PITPNC1: variants seen among roughly 807,000 people sequenced by gnomAD.
The protein encoded by PITPNC1 is cytoplasmic phosphatidylinositol transfer protein 1.
PITPNC1 carries 18 observed loss-of-function variants against 44.7 expected under a neutral mutation model. The observed-to-expected ratio is 0.40, with a 90% CI of 0.28 to 0.60. PITPNC1 has a LOEUF of 0.60. PITPNC1 is among the 20% of genes least tolerant of loss of function. The pLI, the probability that PITPNC1 is intolerant of heterozygous loss-of-function variation, is 0.39. For missense variants in PITPNC1, 290 were observed against 418.4 expected, an observed-to-expected ratio of 0.69 and a Z score of 2.68; for synonymous variants, 141 against 149.6, an observed-to-expected ratio of 0.94 and a Z score of 0.42.
chr17:67,410,608 A>G (rs1306119179), intron 1 of PITPNC1, among the ~76,000 whole-genome samples: 1 of 149,308 alleles, frequency 6.7e-6, no homozygotes, highest in Non-Finnish European at 1.5e-5. Context: ...CTGGTCTTGA[A>G]CTCCTGGGCT....
intron 1 of PITPNC1, among the ~76,000 whole-genome samples, chr17:67,472,959 T>C (rs1372491542): frequency 6.6e-6 from 1 of 151,670 alleles, no homozygotes; most frequent in Non-Finnish European, 1.5e-5. Flanking sequence ...CACTGCAAGC[T>C]CTGCCTCTCA....
chr17:67,533,002 C>T, intron 2 of PITPNC1, 52 bp downstream of exon 2: 1 of 1,475,262 alleles, frequency 6.8e-7, no homozygotes, highest in Non-Finnish European at 9.3e-7. Flanking sequence ...CACCTGACCC[C>T]ATGGTGTGAC....
intron 6 of PITPNC1, among the ~76,000 whole-genome samples, chr17:67,665,402 G>A (rs950336576): frequency 5.9e-5 from 9 of 152,072 alleles, no homozygotes; most frequent in African/African-American, 1.4e-4. Flanking sequence ...CCATGTACAT[G>A]TTTTTGTGTG....
chr17:67,441,826 A>T (rs1026903066), intron 1 of PITPNC1, among the ~76,000 whole-genome samples: 1 of 152,116 alleles, frequency 6.6e-6, no homozygotes, highest in Non-Finnish European at 1.5e-5. Flanking sequence ...TGAAGTAGGA[A>T]CTGCACACGC....
At chr17:67,621,201 A>ATTTTATTTTAT (rs2041825168) in intron 5 of PITPNC1, among the ~76,000 whole-genome samples, 1 of 148,728 alleles carries the variant, frequency 6.7e-6, no homozygotes, top group Admixed American at 6.8e-5. Flanking sequence ...ATTTTATTTT[A>ATTTTATTTTAT]TTTTATTTTA....
chr17:67,626,403 C>G (rs1384092432), intron 5 of PITPNC1, among the ~76,000 whole-genome samples: 8 of 152,244 alleles, frequency 5.3e-5, no homozygotes, highest in African/African-American at 1.7e-4. Context: ...CAAAGTCTTG[C>G]CCTGTCGCAC....
intron 1 of PITPNC1, among the ~76,000 whole-genome samples, chr17:67,468,695 G>T (rs1006694200): frequency 1.3e-5 from 2 of 148,602 alleles, no homozygotes; most frequent in African/African-American, 5.0e-5. Context: ...GAACCACCGT[G>T]CCTGGCCGCT....
Position 67,552,314 on chromosome 17 carries a change from G to T in PITPNC1, c.255G>T (p.Lys85Asn). 6.2e-7 allele frequency: 1 copy of T among 1,600,128 alleles called. No individual in the cohort carries two copies. Among genetic ancestry groups the T allele is most frequent in the Non-Finnish European group, 8.6e-7 (1 of 1,167,338 alleles). ...VVPKIFYVTEKAWNYYPYTIT... is the reference protein window; with the variant it reads ...VVPKIFYVTENAWNYYPYTIT... Reference sequence around the variant, plus strand: ...CCAAAATATTTTATGTGACAGAGAAGGCTTGGAACTATTATCCCTACACAA... The same window carrying T: ...CCAAAATATTTTATGTGACAGAGAATGCTTGGAACTATTATCCCTACACAA... Residue 85 changes from lysine (K) to asparagine (N), a missense_variant, in exon 3 of 9, where the codon AAG (lysine) becomes AAT (asparagine). Lys to Asn is a moderately conservative substitution (Grantham distance 94). Coordinates refer to ENST00000581322, the MANE Select transcript of PITPNC1 (RefSeq NM_012417.4).
chr17:67,467,582 T>C (rs917761015), intron 1 of PITPNC1, among the ~76,000 whole-genome samples: 2 of 152,208 alleles, frequency 1.3e-5, no homozygotes, highest in Non-Finnish European at 2.9e-5. Context: ...TTTCTAGCTA[T>C]ACTAACATGT....
intron 1 of PITPNC1, among the ~76,000 whole-genome samples, chr17:67,400,687 C>T (rs1328304235): frequency 2.0e-5 from 3 of 151,826 alleles, no homozygotes; most frequent in Non-Finnish European, 4.4e-5. Flanking sequence ...TAAAAATAAC[C>T]CTTCTTTTCC....
At chr17:67,427,988 A>G (rs555067017) in intron 1 of PITPNC1, among the ~76,000 whole-genome samples, 1 of 152,062 alleles carries the variant, frequency 6.6e-6, no homozygotes, top group East Asian at 1.9e-4. Context: ...TTATTTTATT[A>G]TTTTATTTTT....
rs1361411309 is a variant in PITPNC1, at chr17:67,583,869, GTGTGTGTGTGTGTGTGTGTGTGTGTGTT to G, written c.366+5628_366+5655del. ...CGCCACCACGCCTGGCTAATTTTGT[GTGTGTGTGTGTGTGTGTGTGTGTGTGTT>G]TGTGTGTGTGTGTGTTTGTGTTTAG... On this transcript the variant is annotated intron_variant, in intron 5 of 8. Coordinates refer to ENST00000581322, the MANE Select transcript of PITPNC1 (RefSeq NM_012417.4). 1.3e-3 allele frequency among the ~76,000 whole-genome samples: 152 copies of G among 113,738 alleles called. 1 individual carries two copies. Among genetic ancestry groups the G allele is most frequent in the Non-Finnish European group, 2.0e-3 (109 of 54,690 alleles). The allele number at this position is 113,738 out of a possible 152,430, so 74.6% of individuals were successfully genotyped here.
chr17:67,604,745 T>C (rs867699368), intron 5 of PITPNC1, among the ~76,000 whole-genome samples: 2 of 152,102 alleles, frequency 1.3e-5, no homozygotes, highest in Admixed American at 1.3e-4. Context: ...AACTTGCCAC[T>C]GCACTCCAGC....
intron 8 of PITPNC1, among the ~76,000 whole-genome samples, chr17:67,686,232 A>C (rs750374236): frequency 1.2e-4 from 18 of 149,068 alleles, no homozygotes; most frequent in Non-Finnish European, 2.7e-4. Context: ...GGTCCTGTGC[A>C]TTGTAGGATG....
intron 1 of PITPNC1, among the ~76,000 whole-genome samples, chr17:67,488,033 T>C (rs1388130373): frequency 6.6e-6 from 1 of 152,172 alleles, no homozygotes; most frequent in Non-Finnish European, 1.5e-5. Context: ...ACCGAGCAGC[T>C]CAAAAGAGCT....
chr17:67,570,288 T>G (rs1302153929), intron 4 of PITPNC1, among the ~76,000 whole-genome samples: 1 of 152,192 alleles, frequency 6.6e-6, no homozygotes, highest in Non-Finnish European at 1.5e-5. Context: ...AAGGGGCACC[T>G]GCCCAGAAGA....
intron 1 of PITPNC1, among the ~76,000 whole-genome samples, chr17:67,477,185 C>G (rs2039642001): frequency 6.6e-6 from 1 of 151,936 alleles, no homozygotes; most frequent in African/African-American, 2.4e-5. Context: ...AAGGGACCCT[C>G]CTGCCTCAGC....
intron 1 of PITPNC1, among the ~76,000 whole-genome samples, chr17:67,487,444 G>A (rs1011910664): frequency 2.6e-5 from 4 of 152,050 alleles, no homozygotes; most frequent in Non-Finnish European, 5.9e-5. Context: ...CAAAGTGCTG[G>A]GATTACAGGC....
chr17:67,493,979 G>T (rs1026160191), intron 1 of PITPNC1, among the ~76,000 whole-genome samples: 1 of 152,068 alleles, frequency 6.6e-6, no homozygotes, highest in Non-Finnish European at 1.5e-5. Context: ...AGTATGTATT[G>T]AATGCCTGCC....
Sources: allele counts gnomAD v4.1 joint callset (sites outside exome capture counted in the v4.1 genomes callset), GRCh38; gene constraint gnomAD v4.1.1; transcripts MANE v1.5; gene names NCBI Gene and HGNC (gene_info 2026-07-23, HGNC 2026-07-21).